Variants in FLRT2 observed in about 807,000 individuals in gnomAD.
The protein encoded by FLRT2 is leucine-rich repeat transmembrane protein FLRT2.
In FLRT2, 15 loss-of-function variants were observed where a neutral mutation model predicts 40.0. The ratio of observed to expected loss-of-function variants is 0.38; its 90% CI spans 0.25 to 0.58. The LOEUF is 0.58. Among genes scored for constraint, FLRT2 ranks in the 20% least tolerant of loss-of-function variants. The pLI, the probability that FLRT2 is intolerant of heterozygous loss-of-function variation, is 0.71. For missense variants in FLRT2, 726 were observed against 840.0 expected (o/e 0.86, Z 1.68); for synonymous variants, 380 against 336.8 (o/e 1.13, Z -1.41).
At chr14:85,598,191 G>A (rs1892226318) in intron 1 of FLRT2, among the ~76,000 whole-genome samples, 1 of 152,172 alleles carries the variant, frequency 6.6e-6, no homozygotes, top group Non-Finnish European at 1.5e-5. Flanking sequence ...TGCATAAGTA[G>A]GCTCATTTAA....
At chr14:85,562,244 C>G (rs1336699089) in intron 1 of FLRT2, among the ~76,000 whole-genome samples, 2 of 152,224 alleles carry the variant, frequency 1.3e-5, no homozygotes, top group African/African-American at 4.8e-5. Context: ...CCATGGGACT[C>G]ACTCATGTTT....
intron 1 of FLRT2, among the ~76,000 whole-genome samples, chr14:85,535,913 TTTTTTTTTGTTGTTG>T (rs1487496105): frequency 1.0e-4 from 8 of 79,288 alleles, no homozygotes; most frequent in South Asian, 5.0e-4. Context: ...TTTTTTTTTT[TTTTTTTTTGTTGTTG>T]TTGTTGTTGT....
chr14:85,606,940 ATT>A (rs61656247), intron 1 of FLRT2, among the ~76,000 whole-genome samples: 1 of 145,322 alleles, frequency 6.9e-6, no homozygotes, highest in African/African-American at 2.6e-5. Flanking sequence ...GATTGCCTAG[ATT>A]TTTTTTTTTC....
rs762761156 is a variant in FLRT2 at position 85,623,405 on chromosome 14, A to G, written c.1891A>G (p.Asn631Asp). The change falls in exon 2 of 2, where the codon AAT becomes GAT. Residue 631 changes from asparagine (N) to aspartate (D), a missense_variant. By Grantham distance (23) the Asn-to-Asp change is conservative. This residue lies in a region of FLRT2 where 611 missense variants were observed against 690.0 expected (regional missense o/e 0.89). Coordinates refer to ENST00000330753, the MANE Select transcript of FLRT2 (RefSeq NM_013231.6). The stretch of plus-strand genomic sequence containing the variant: ...CAGACTGCAGCCCATTTACACCCCA[A>G]ATGGGGGCATTAATTACACAGACTG... ...DFRLQPIYTP[N>D]GGINYTDCHI... 2 of 1,506,878 alleles carry G rather than the reference A, an allele frequency of 1.3e-6. No individual in the cohort carries two copies. The highest frequency in any genetic ancestry group is 2.4e-5 in the Admixed American group (1 of 41,076). The allele number at this position is 1,506,878 out of a possible 1,614,324, so 93.3% of individuals were successfully genotyped here. A position where few individuals can be genotyped will look rare whatever the true frequency, so the allele number is the denominator to read the frequency against.
rs541290868 is a variant in FLRT2, at chr14:85,534,393, G to T, written c.-377+3859G>T. 2.0e-5 allele frequency among the ~76,000 whole-genome samples: 3 copies of T among 152,262 alleles called. No individual in the cohort carries two copies. The South Asian group carries it at 6.2e-4, about 32-fold the overall frequency. On this transcript the variant is annotated intron_variant, in intron 1 of 1. Coordinates refer to ENST00000330753, the MANE Select transcript of FLRT2 (RefSeq NM_013231.6). ...ATTTGAGCCCACTCCCTACTCTCCT[G>T]CTTCGTTTAGCTGGACAGCAAATTT... is the stretch of plus-strand genomic sequence containing the variant.
chr14:85,585,719 T>G (rs1019072452), intron 1 of FLRT2, among the ~76,000 whole-genome samples: 1 of 152,144 alleles, frequency 6.6e-6, no homozygotes, highest in African/African-American at 2.4e-5. Flanking sequence ...AACCTTGTTT[T>G]TCTCATATTT....
chr14:85,550,456 C>T (rs1045596739), intron 1 of FLRT2, among the ~76,000 whole-genome samples: 14 of 152,264 alleles, frequency 9.2e-5, no homozygotes, highest in African/African-American at 2.9e-4. Context: ...GAAAATGTGA[C>T]GTGATATGAG....
Position 85,622,933 on chromosome 14 carries a change from T to A in FLRT2, c.1419T>A (p.Gly473=), listed in dbSNP as rs769726285. 1 of 1,614,114 alleles carries A rather than the reference T, an allele frequency of 6.2e-7. No homozygotes were observed. The highest frequency in any genetic ancestry group is 8.5e-7 in the Non-Finnish European group (1 of 1,180,016). ...TCGTTCAGGAGCGCATAGTCAGCGGTGAGAAGCAACACCTGAGCCTGGTTA... is the reference window on the plus strand; with the variant it reads ...TCGTTCAGGAGCGCATAGTCAGCGGAGAGAAGCAACACCTGAGCCTGGTTA... ...GGIVQERIVS[G]EKQHLSLVNL... Residue 473 remains glycine (G), a synonymous_variant, in exon 2 of 2, where the codon GGT becomes GGA. Coordinates refer to ENST00000330753, the MANE Select transcript of FLRT2 (RefSeq NM_013231.6).
chr14:85,562,491 G>C (rs1449716390), intron 1 of FLRT2, among the ~76,000 whole-genome samples: 1 of 152,058 alleles, frequency 6.6e-6, no homozygotes, highest in Non-Finnish European at 1.5e-5. Context: ...ATTGAGGTTT[G>C]TAATACCAAC....
rs1894217970 is a variant in FLRT2, at chr14:85,643,494, G to A, written c.*19997G>A. On this transcript the variant is annotated 3_prime_UTR_variant, in exon 2 of 2. Transcript: ENST00000330753. ...TGCAACCTCCGCCTCCTGGGTTCAAGCGATTCTCCTGCCTCAGCCTCCTGA... is the reference window on the plus strand; with the variant it reads ...TGCAACCTCCGCCTCCTGGGTTCAAACGATTCTCCTGCCTCAGCCTCCTGA... 1 of 152,206 alleles carries A rather than the reference G, an allele frequency of 6.6e-6. No individual in the cohort carries two copies. Among genetic ancestry groups the A allele is most frequent in the African/African-American group, 2.4e-5 (1 of 41,272 alleles). The allele number at this position is 152,206 out of a possible 1,614,324, so 9.4% of individuals were successfully genotyped here.
chr14:85,570,219 C>A (rs900193805), intron 1 of FLRT2, among the ~76,000 whole-genome samples: 2 of 152,088 alleles, frequency 1.3e-5, no homozygotes, highest in African/African-American at 2.4e-5. Flanking sequence ...AGATAGAAGA[C>A]CTTGGTTTTT....
chr14:85,558,244 G>A (rs11845681), intron 1 of FLRT2, among the ~76,000 whole-genome samples: 8,077 of 152,094 alleles, frequency 0.053, 251 homozygotes, highest in Middle Eastern at 0.068. Flanking sequence ...AGAGGCAAAG[G>A]GCTCTCATAT....
chr14:85,587,967 T>C (rs1891701544), intron 1 of FLRT2, among the ~76,000 whole-genome samples: 1 of 152,050 alleles, frequency 6.6e-6, no homozygotes, highest in Non-Finnish European at 1.5e-5. Context: ...AGTCTTGCTC[T>C]GTCTCCCAGG....
intron 1 of FLRT2, among the ~76,000 whole-genome samples, chr14:85,538,194 G>A (rs1888783010): frequency 6.6e-6 from 1 of 152,100 alleles, no homozygotes; most frequent in Non-Finnish European, 1.5e-5. Context: ...CATGTGCCTT[G>A]AGTCACCCAA....
At position 85,623,035 on chromosome 14, in the gene FLRT2, C is replaced by T; in HGVS notation, c.1521C>T (p.Thr507=). Reference sequence around the variant, plus strand: ...TTAACTACCGCGCGGTAGAAGACACCATTTGTTCAGAGGCCACCACCCATG... The same window carrying T: ...TTAACTACCGCGCGGTAGAAGACACTATTTGTTCAGAGGCCACCACCCATG... ...DAFNYRAVED[T]ICSEATTHAS... Residue 507 remains threonine, a synonymous_variant, in exon 2 of 2, where the codon ACC becomes ACT. Transcript: ENST00000330753. 2 of 1,614,150 alleles carry T rather than the reference C, an allele frequency of 1.2e-6. No homozygotes were observed. Among genetic ancestry groups the T allele is most frequent in the Non-Finnish European group, 1.7e-6 (2 of 1,180,028 alleles).
At chr14:85,603,874 C>A (rs747329995) in intron 1 of FLRT2, among the ~76,000 whole-genome samples, 14 of 152,066 alleles carry the variant, frequency 9.2e-5, no homozygotes, top group Admixed American at 4.6e-4. Context: ...AATCTTGAAA[C>A]CTGGATTGAG....
intron 1 of FLRT2, among the ~76,000 whole-genome samples, chr14:85,550,564 A>C (rs1889561808): frequency 6.6e-6 from 1 of 152,238 alleles, no homozygotes; most frequent in African/African-American, 2.4e-5. Flanking sequence ...AAAGTTAAGA[A>C]GGTATTTTTT....
At chr14:85,575,297 C>T (rs1891079070) in intron 1 of FLRT2, among the ~76,000 whole-genome samples, 1 of 151,912 alleles carries the variant, frequency 6.6e-6, no homozygotes, top group Non-Finnish European at 1.5e-5. Flanking sequence ...ACATTCCTCT[C>T]TGTCTGCAGG....
At chr14:85,571,207 T>A (rs1890878096) in intron 1 of FLRT2, among the ~76,000 whole-genome samples, 1 of 152,166 alleles carries the variant, frequency 6.6e-6, no homozygotes, top group African/African-American at 2.4e-5. Flanking sequence ...GATGTCATCT[T>A]AAGAATCCCA....
Sources: allele counts gnomAD v4.1 joint callset (sites outside exome capture counted in the v4.1 genomes callset), GRCh38; gene constraint gnomAD v4.1.1; regional missense constraint gnomAD v4.1.1; transcripts MANE v1.5; gene names NCBI Gene and HGNC (gene_info 2026-07-23, HGNC 2026-07-21).